The following UCHL1 variants were observed in gnomAD, a reference collection of about 807,000 sequenced individuals.
UCHL1 encodes ubiquitin carboxyl-terminal hydrolase isozyme L1.
UCHL1 carries 5 observed loss-of-function variants against 33.3 expected under a neutral mutation model. The observed-to-expected ratio is 0.15, with a 90% confidence interval of 0.08 to 0.32. The LOEUF is 0.32. UCHL1 is among the 10% of genes least tolerant of loss of function. The pLI, the probability that UCHL1 is intolerant of heterozygous loss-of-function variation, is 1.00. For missense variants in UCHL1, 236 were observed against 280.0 expected (o/e 0.84, Z 1.12); for synonymous variants, 132 against 108.8 (o/e 1.21, Z -1.33).
At chr4:41,263,630 C>T (rs1409648138) in intron 7 of UCHL1, among the ~76,000 whole-genome samples, 1 of 152,214 alleles carries the variant, frequency 6.6e-6, no homozygotes, top group Non-Finnish European at 1.5e-5. Flanking sequence ...GACGACCCAC[C>T]TTGTAAGATT....
At chr4:41,267,314 C>T (rs1781170120) in intron 8 of UCHL1, among the ~76,000 whole-genome samples, 1 of 152,072 alleles carries the variant, frequency 6.6e-6, no homozygotes, top group Non-Finnish European at 1.5e-5. Flanking sequence ...CGCGATCTCG[C>T]CTCACTGCAA....
rs147661219 is a variant in UCHL1, at chr4:41,268,010, A to G, written c.609A>G (p.Glu203=). Residue 203 remains glutamate (E), a synonymous_variant, in exon 9 of 9, where the codon GAA becomes GAG. Coordinates refer to ENST00000284440, the MANE Select transcript of UCHL1 (RefSeq NM_004181.5). ...AGGACGCTGCCAAGGTCTGCAGAGA[A>G]TTCACCGAGCGTGAGCAAGGAGAAG... ...LLKDAAKVCR[E]FTEREQGEVR... 544 of 1,613,588 alleles carry G rather than the reference A, an allele frequency of 3.4e-4. 1 individual carries two copies. In the East Asian group the frequency reaches 9.3e-3, roughly 28 times the overall value.
intron 6 of UCHL1, 52 bp downstream of exon 6, chr4:41,261,975 C>T (rs764271024): frequency 6.2e-7 from 1 of 1,604,168 alleles, no homozygotes; most frequent in Non-Finnish European, 8.5e-7. Context: ...ATCTGTGTTT[C>T]TACTGAAATT....
chr4:41,257,059 G>A, intron 1 of UCHL1, 50 bp downstream of exon 1: 1 of 1,614,170 alleles, frequency 6.2e-7, no homozygotes, highest in Non-Finnish European at 8.5e-7. Context: ...CGAGGGAGGG[G>A]GAGCCGAGTC....
chr4:41,257,314 C>A, intron 2 of UCHL1, 188 bp downstream of exon 2: 1 of 1,060,962 alleles, frequency 9.4e-7, no homozygotes, highest in Non-Finnish European at 1.3e-6. Flanking sequence ...CGAAACCGGT[C>A]ACGGGGAGAC....
In UCHL1 at chr4:41,261,629, A is replaced by G. The variant is rs1781068676; in HGVS notation, c.326-86A>G. ...GTATTAAAGATTCAGGTTGCTCAGCATGTTCAGCAAAGGCTTAAGTCAACA... is the reference window on the plus strand; with the variant it reads ...GTATTAAAGATTCAGGTTGCTCAGCGTGTTCAGCAAAGGCTTAAGTCAACA... On this transcript the variant is annotated intron_variant, in intron 4 of 8. Coordinates refer to ENST00000284440, the MANE Select transcript of UCHL1 (RefSeq NM_004181.5). The G allele has an allele frequency of 4.9e-6, 7 of 1,432,760 alleles. No individual in the cohort carries two copies. The South Asian group carries it at 8.1e-5, about 17-fold the overall frequency. 88.8% of individuals were successfully genotyped at this position (1,432,760 alleles called of 1,614,324 possible).
intron 2 of UCHL1, chr4:41,257,337 G>C: frequency 1.0e-6 from 1 of 967,924 alleles, no homozygotes; most frequent in Non-Finnish European, 1.5e-6. Flanking sequence ...AGGGGGCTGC[G>C]CCCCGTGGCG....
At chr4:41,267,853 G>A (rs1243906626) in intron 8 of UCHL1, 134 bp from the exon 9 acceptor site, 5 of 835,936 alleles carry the variant, frequency 6.0e-6, no homozygotes, top group South Asian at 1.5e-5. Flanking sequence ...TTAAGCCCTG[G>A]TTTTCAAATT....
At position 41,268,387 on chromosome 4, in the gene UCHL1, T is replaced by C; in HGVS notation, c.*314T>C. 2.5e-6 allele frequency: 1 copy of C among 396,810 alleles called. No individual in the cohort carries two copies. Among genetic ancestry groups the C allele is most frequent in the Non-Finnish European group, 4.6e-6 (1 of 218,746 alleles). 24.6% of individuals were successfully genotyped at this position (396,810 alleles called of 1,614,324 possible). On this transcript the variant is annotated 3_prime_UTR_variant, in exon 9 of 9. Coordinates refer to ENST00000284440, the MANE Select transcript of UCHL1 (RefSeq NM_004181.5). ...GTTAAGACCTTGGATGTGGTTTAAT[T>C]GTTTGTCCTCAAAAGGAATAAAACT...
At chr4:41,261,111 CTA>C (rs1463480479) in intron 4 of UCHL1, among the ~76,000 whole-genome samples, 1 of 152,096 alleles carries the variant, frequency 6.6e-6, no homozygotes, top group African/African-American at 2.4e-5. Context: ...GTGGATAAGC[CTA>C]TGTCAGTGGT....
At chr4:41,266,155 C>G (rs1781149549) in intron 8 of UCHL1, among the ~76,000 whole-genome samples, 1 of 150,198 alleles carries the variant, frequency 6.7e-6, no homozygotes, top group African/African-American at 2.5e-5. Context: ...CTCTTGGGCT[C>G]AAGTGATCTT....
rs1346069102 is a variant in UCHL1 at position 41,263,993 on chromosome 4, G to A, written c.527-110G>A. The A allele has an allele frequency of 2.2e-6, 3 of 1,393,596 alleles. No individual in the cohort carries two copies. The African/African-American group carries it at 4.3e-5, about 20-fold the overall frequency. The allele number at this position is 1,393,596 out of a possible 1,614,324, so 86.3% of individuals were successfully genotyped here. On this transcript the variant is annotated intron_variant, in intron 7 of 8. Transcript: ENST00000284440. ...GCTTCATAACCAGGCTTCCTTCTGT[G>A]GGTTTGGCAGTGGTTTTTGGAAGAA... is the stretch of plus-strand genomic sequence containing the variant.
At chr4:41,258,053 G>A (rs1781012029) in intron 3 of UCHL1, among the ~76,000 whole-genome samples, 1 of 152,184 alleles carries the variant, frequency 6.6e-6, no homozygotes, top group Non-Finnish European at 1.5e-5. Context: ...GCTTTTTCGA[G>A]CCTCCGGTTC....
chr4:41,264,152 C>T lies in UCHL1; in HGVS notation c.576C>T (p.Thr192=), dbSNP rs776936367. The change falls in exon 8 of 9, where the codon ACC becomes ACT. Residue 192 remains threonine, a synonymous_variant. Transcript: ENST00000284440. ...ACCATGGCGCCAGTTCAGAGGACAC[C>T]CTGCTGAAGGTCATCTTTGGAATGC... ...PVNHGASSED[T]LLKDAAKVCR... 1.2e-6 allele frequency: 2 copies of T among 1,614,142 alleles called. No individual in the cohort carries two copies. The highest frequency in any genetic ancestry group is 1.7e-6 in the Non-Finnish European group (2 of 1,180,030).
At chr4:41,257,399 G>C (rs1057217313) in intron 2 of UCHL1, 1 of 878,458 alleles carries the variant, frequency 1.1e-6, no homozygotes, top group African/African-American at 1.8e-5. Flanking sequence ...GCACAGACTC[G>C]GCTGCACGGG....
In UCHL1 at chr4:41,257,638, G is replaced by C; in HGVS notation, c.75G>C (p.Gln25His). The C allele has an allele frequency of 6.4e-7, 1 of 1,561,028 alleles. No homozygotes were observed. Among genetic ancestry groups the C allele is most frequent in the Non-Finnish European group, 8.6e-7 (1 of 1,158,456 alleles). The change falls in exon 3 of 9, where the codon CAG becomes CAC. Residue 25 changes from glutamine to histidine, a missense_variant. Gln to His is a conservative substitution (Grantham distance 24). Coordinates refer to ENST00000284440, the MANE Select transcript of UCHL1 (RefSeq NM_004181.5). ...KVLSRLGVAG[Q>H]WRFVDVLGLE... is the part of the protein sequence containing the mutation. The stretch of plus-strand genomic sequence containing the variant: ...TGTCCCGGCTGGGGGTCGCCGGCCA[G>C]TGGCGCTTCGTGGACGTGCTGGGGC...
At position 41,261,876 on chromosome 4, in the gene UCHL1, G is replaced by A; in HGVS notation, c.412G>A (p.Ala138Thr). ...GCTAATTATTTTCTTTTTTCCGCAG[G>A]CCATACAGGCAGCCCATGATGCCGT... ...DRAKCFEKNE[A>T]IQAAHDAVAQ... Residue 138 changes from alanine to threonine, a missense_variant and splice_region_variant, in exon 6 of 9, where the codon GCC becomes ACC. Physicochemically the swap from Ala to Thr is moderately conservative, Grantham distance 58 (BLOSUM62 0). Transcript: ENST00000284440. 6.2e-7 allele frequency: 1 copy of A among 1,614,034 alleles called. No individual in the cohort carries two copies. The highest frequency in any genetic ancestry group is 8.5e-7 in the Non-Finnish European group (1 of 1,180,000).
At chr4:41,262,059 AAAT>A in intron 6 of UCHL1, 136 bp downstream of exon 6, 1 of 1,272,610 alleles carries the variant, frequency 7.9e-7, no homozygotes, top group Non-Finnish European at 1.1e-6. Flanking sequence ...AGTTCTACCC[AAAT>A]AATGCTTTGA....
chr4:41,262,929 T>C (rs1781095973), intron 6 of UCHL1, among the ~76,000 whole-genome samples: 1 of 152,216 alleles, frequency 6.6e-6, no homozygotes, highest in Non-Finnish European at 1.5e-5. Context: ...TCTTTATAAC[T>C]ACAACTGGCT....
Sources: allele counts gnomAD v4.1 joint callset (sites outside exome capture counted in the v4.1 genomes callset), GRCh38; gene constraint gnomAD v4.1.1; transcripts MANE v1.5; gene names NCBI Gene and HGNC (gene_info 2026-07-23, HGNC 2026-07-21).